The following ANKRD28 variants were observed in gnomAD, a reference collection of about 807,000 sequenced individuals.
ANKRD28 encodes serine/threonine-protein phosphatase 6 regulatory ankyrin repeat subunit A.
ANKRD28 carries 44 observed loss-of-function variants against 126.5 expected under a neutral mutation model. That is an observed-to-expected ratio of 0.35 (90% CI 0.27 to 0.45). The LOEUF (loss-of-function observed/expected upper bound fraction) is 0.45. Ranked by LOEUF, ANKRD28 falls within the 20% of genes least tolerant of loss-of-function variation. The pLI is 1.00. For synonymous variants in ANKRD28, 442 were observed against 468.5 expected (o/e 0.94, Z 0.73); for missense variants, 1,110 against 1,316.6 (o/e 0.84, Z 2.43).
chr3:15,719,583 CATTT>C (rs1416131549), intron 8 of ANKRD28, among the ~76,000 whole-genome samples: 11 of 152,148 alleles, frequency 7.2e-5, no homozygotes, highest in Non-Finnish European at 1.2e-4. Context: ...AATATTCATT[CATTT>C]GAGGCAAGGT....
chr3:15,713,186 A>G (rs1395763602), intron 10 of ANKRD28, among the ~76,000 whole-genome samples: 1 of 152,170 alleles, frequency 6.6e-6, no homozygotes, highest in Admixed American at 6.5e-5. Context: ...TAGTATTTGG[A>G]TTAAAAAAAA....
intron 2 of ANKRD28, among the ~76,000 whole-genome samples, chr3:15,779,764 G>A (rs985473911): frequency 4.6e-5 from 7 of 152,258 alleles, no homozygotes; most frequent in African/African-American, 1.7e-4. Flanking sequence ...ATTAATTCAT[G>A]TTGTAATCTA....
chr3:15,740,241 C>T (rs2075352965), intron 4 of ANKRD28, among the ~76,000 whole-genome samples: 3 of 152,186 alleles, frequency 2.0e-5, no homozygotes, highest in African/African-American at 4.8e-5. Context: ...AGACTGAAAA[C>T]GGACATGAGG....
At chr3:15,676,052 C>G (rs754972889) in intron 26 of ANKRD28, 63 bp from the exon 27 acceptor site, 1 of 1,356,770 alleles carries the variant, frequency 7.4e-7, no homozygotes, top group South Asian at 1.4e-5. Context: ...CACATACACA[C>G]CTGGCTGTCA....
At position 15,847,333 on chromosome 3, in the gene ANKRD28, T is replaced by C. The variant is rs781112404; in HGVS notation, c.27+12044A>G. On this transcript the variant is annotated intron_variant, in intron 1 of 27. Coordinates refer to the ANKRD28 transcript ENST00000399451. ...GATTGCTTGTGATAGCAATCTCTTA[T>C]GGCTTTCTTCCTAACTCTAGCAGCT... Among the ~76,000 whole-genome samples the C allele has an allele frequency of 8.3e-4, 126 of 152,364 alleles. 1 individual carries two copies. The highest frequency in any genetic ancestry group is 2.4e-4 in the Non-Finnish European group (16 of 68,024).
intron 17 of ANKRD28, among the ~76,000 whole-genome samples, chr3:15,691,967 AAAAT>A (rs1459646861): frequency 6.6e-6 from 1 of 151,920 alleles, no homozygotes; most frequent in South Asian, 2.1e-4. Context: ...ATCTCTGCCA[AAAAT>A]AAATAAACAA....
intron 1 of ANKRD28, among the ~76,000 whole-genome samples, chr3:15,852,459 C>G (rs2125997994): frequency 6.6e-6 from 1 of 152,264 alleles, no homozygotes; most frequent in Non-Finnish European, 1.5e-5. Context: ...TATCTTTGGA[C>G]TTAAATCCTG....
rs1283004241 is a variant in ANKRD28 at position 15,843,904 on chromosome 3, G to A, written c.27+15473C>T. Reference sequence around the variant, plus strand: ...AGATGAAAAGGAGAAGACTGAAAGCGTGTGTACATTAGGAGTTAAGGCTTA... The same window carrying A: ...AGATGAAAAGGAGAAGACTGAAAGCATGTGTACATTAGGAGTTAAGGCTTA... On this transcript the variant is annotated intron_variant, in intron 1 of 27. Coordinates refer to the ANKRD28 transcript ENST00000399451. The surrounding 1 kb of genome is among the most constrained non-coding windows in gnomAD (Gnocchi z 5.2). Among the ~76,000 whole-genome samples the A allele has an allele frequency of 2.0e-5, 3 of 152,310 alleles. No homozygotes were observed. Among genetic ancestry groups the A allele is most frequent in the Non-Finnish European group, 4.4e-5 (3 of 68,024 alleles).
intron 4 of ANKRD28, among the ~76,000 whole-genome samples, chr3:15,737,523 AG>A (rs372641637): frequency 6.6e-6 from 1 of 152,170 alleles, no homozygotes; most frequent in South Asian, 2.1e-4. Flanking sequence ...AATGTGCAAG[AG>A]AGCAATCATA....
In ANKRD28 at chr3:15,685,343, C is replaced by G. The variant is rs762803080; in HGVS notation, c.2272G>C (p.Ala758Pro). ...CCAAGAACACCAATGTGTCCACAGG[C>G]AGCAGACAGGTGTATAGGCGTCCGG... is the stretch of plus-strand genomic sequence containing the variant. ...RGRTPIHLSA[A>P]CGHIGVLGAL... The change falls in exon 21 of 28, where the codon GCC becomes CCC. Residue 758 changes from alanine (A) to proline (P), a missense_variant. By Grantham distance (27) the Ala-to-Pro change is conservative. Transcript: ENST00000683139. 2 of 1,613,996 alleles carry G rather than the reference C, an allele frequency of 1.2e-6. No individual in the cohort carries two copies. Among genetic ancestry groups the G allele is most frequent in the Non-Finnish European group, 1.7e-6 (2 of 1,179,874 alleles).
At chr3:15,699,095 C>A (rs1341125063) in intron 14 of ANKRD28, among the ~76,000 whole-genome samples, 1 of 152,172 alleles carries the variant, frequency 6.6e-6, no homozygotes, top group African/African-American at 2.4e-5. Context: ...CACACATCTA[C>A]AACCATCTGA....
chr3:15,673,610 T>G (rs778954288), intron 27 of ANKRD28, among the ~76,000 whole-genome samples: 10 of 151,638 alleles, frequency 6.6e-5, no homozygotes, highest in Non-Finnish European at 1.2e-4. Flanking sequence ...GAGAATGCTA[T>G]GGTAGGGGTA....
chr3:15,728,448 C>T (rs2074349981), intron 6 of ANKRD28, among the ~76,000 whole-genome samples: 1 of 152,104 alleles, frequency 6.6e-6, no homozygotes, highest in Non-Finnish European at 1.5e-5. Context: ...TGCATGCCAC[C>T]ACACTGGGCT....
In ANKRD28 at chr3:15,685,350, C is replaced by T. The variant is rs2067988120; in HGVS notation, c.2265G>A (p.Leu755=). ...CACCAATGTGTCCACAGGCAGCAGA[C>T]AGGTGTATAGGCGTCCGGCCCCTGC... ...RDSRGRTPIH[L]SAACGHIGVL... Residue 755 remains leucine (L), a synonymous_variant, in exon 21 of 28, where the codon CTG becomes CTA. Coordinates refer to ENST00000683139, the MANE Select transcript of ANKRD28 (RefSeq NM_001349278.2). 1.2e-6 allele frequency: 2 copies of T among 1,613,904 alleles called. No homozygotes were observed. Among genetic ancestry groups the T allele is most frequent in the Admixed American group, 1.7e-5 (1 of 60,010 alleles).
chr3:15,687,100 AC>A (rs1429230074), intron 18 of ANKRD28, among the ~76,000 whole-genome samples: 3 of 151,332 alleles, frequency 2.0e-5, no homozygotes, highest in African/African-American at 7.3e-5. Flanking sequence ...CTGCCACCAC[AC>A]CCGGCGATTT....
chr3:15,786,547 A>G (rs541170182), intron 2 of ANKRD28, among the ~76,000 whole-genome samples: 25 of 152,172 alleles, frequency 1.6e-4, no homozygotes, highest in Admixed American at 1.6e-3. Flanking sequence ...GACTGTGGTG[A>G]TGGTTTCATA....
chr3:15,772,775 C>A (rs1174094818), intron 2 of ANKRD28, among the ~76,000 whole-genome samples: 1 of 152,150 alleles, frequency 6.6e-6, no homozygotes, highest in African/African-American at 2.4e-5. Context: ...CAACCTCCAC[C>A]TCCCGGGTTC....
chr3:15,775,228 AT>A (rs1235545317), intron 2 of ANKRD28, among the ~76,000 whole-genome samples: 4 of 152,236 alleles, frequency 2.6e-5, no homozygotes, highest in Non-Finnish European at 5.9e-5. Context: ...TGCATGCTTA[AT>A]TAACATATAA....
chr3:15,687,048 A>G (rs1359103231), intron 18 of ANKRD28, among the ~76,000 whole-genome samples: 2 of 151,654 alleles, frequency 1.3e-5, no homozygotes, highest in Non-Finnish European at 2.9e-5. Flanking sequence ...GGTTCAAGCA[A>G]TTCTCTGCCT....
Sources: gnomAD v4.1 joint callset for allele counts (sites outside exome capture counted in the v4.1 genomes callset) on GRCh38, gnomAD v4.1.1 for gene constraint, Gnocchi (gnomAD v3.1) non-coding constraint, MANE v1.5 for transcripts, NCBI Gene and HGNC (gene_info 2026-07-23, HGNC 2026-07-21) for gene names.